Variants in OVCH1 observed in about 807,000 individuals in gnomAD.
OVCH1 encodes ovochymase 1, also known as ovochymase-1.
OVCH1 carries 139 observed loss-of-function variants against 138.4 expected under a neutral mutation model. The ratio of observed to expected loss-of-function variants is 1.00; its 90% CI spans 0.87 to 1.16. The LOEUF is 1.16. Ranked by LOEUF, OVCH1 falls within the 50% of genes most tolerant of loss-of-function variation. OVCH1 has a pLI of 0.00. For synonymous variants in OVCH1, 453 were observed against 467.8 expected, an observed-to-expected ratio of 0.97 and a Z score of 0.41; for missense variants, 1,367 against 1,357.9, an observed-to-expected ratio of 1.01 and a Z score of -0.11.
At chr12:29,495,222 A>G in intron 4 of OVCH1, 63 bp downstream of exon 4, 1 of 1,435,154 alleles carries the variant, frequency 7.0e-7, no homozygotes, top group Admixed American at 2.0e-5. Context: ...ATTAAAGTTA[A>G]CTTGTACATA....
chr12:29,473,147 G>T, intron 14 of OVCH1, 44 bp from the exon 15 acceptor site: 2 of 1,394,486 alleles, frequency 1.4e-6, no homozygotes. Flanking sequence ...TAGAGAAGTT[G>T]CACTAACTGA....
chr12:29,402,402 A>G, the OVCH1 span, among the ~76,000 whole-genome samples: 1 of 152,222 alleles, frequency 6.6e-6, no homozygotes, highest in South Asian at 2.1e-4. Context: ...ATACTAGGAC[A>G]TTTATAATAC....
Position 29,477,534 on chromosome 12 carries a change from C to A in OVCH1, c.1113+1G>T. 6.2e-7 allele frequency: 1 copy of A among 1,613,882 alleles called. No homozygotes were observed. The highest frequency in any genetic ancestry group is 8.5e-7 in the Non-Finnish European group (1 of 1,179,854). On this transcript the variant is annotated splice_donor_variant, in intron 10 of 27. Coordinates refer to ENST00000318184, the Ensembl canonical transcript of OVCH1. LOFTEE classifies it high-confidence loss of function. ...ATTACTAAAAAGTGGTGGAAACTTA[C>A]ACGTTTGTTTTGTTTTCCATCGTCT...
At chr12:29,483,238 C>CCCTAGAGGTCCTAGAGGTCCTAGAGGT (rs150892780) in intron 8 of OVCH1, among the ~76,000 whole-genome samples, 38 of 152,064 alleles carry the variant, frequency 2.5e-4, no homozygotes, top group Non-Finnish European at 5.2e-4. Flanking sequence ...AAACATTGTA[C>CCCTAGAGGTCCTAGAGGTCCTAGAGGT]CCTAGAGGTC....
At chr12:29,450,856 G>T (rs1242381156) in intron 22 of OVCH1, among the ~76,000 whole-genome samples, 1 of 152,100 alleles carries the variant, frequency 6.6e-6, no homozygotes, top group African/African-American at 2.4e-5. Flanking sequence ...ATAAGTTTAT[G>T]TCCTTTACAG....
downstream of OVCH1, among the ~76,000 whole-genome samples, chr12:29,412,079 C>T (rs7980761): frequency 0.042 from 6,334 of 152,108 alleles, 170 homozygotes; most frequent in East Asian, 0.068. Context: ...TAGCAATCAG[C>T]GAGACTCCAT....
At chr12:29,475,586 G>T (rs909214265) in intron 13 of OVCH1, among the ~76,000 whole-genome samples, 2 of 152,068 alleles carry the variant, frequency 1.3e-5, no homozygotes, top group Admixed American at 1.3e-4. Flanking sequence ...CACTATACAT[G>T]CACTGTTATG....
At chr12:29,440,558 C>G (rs1941458060) in intron 25 of OVCH1, 2 of 321,816 alleles carry the variant, frequency 6.2e-6, no homozygotes, top group South Asian at 5.3e-5. Flanking sequence ...ATTAACATGC[C>G]TTCTCTTATT....
chr12:29,466,257 T>C (rs892610480), intron 16 of OVCH1, among the ~76,000 whole-genome samples: 4 of 151,336 alleles, frequency 2.6e-5, no homozygotes, highest in African/African-American at 9.8e-5. Flanking sequence ...AAAAAATATA[T>C]ACAAAAAAAT....
exon 19 of OVCH1, chr12:29,461,980 C>A (rs755630028): frequency 6.2e-7 from 1 of 1,613,228 alleles, no homozygotes; most frequent in Non-Finnish European, 8.5e-7. Context: ...GCACTTGAAT[C>A]TGCTGTAGGC....
At chr12:29,406,292 C>A in the OVCH1 span, among the ~76,000 whole-genome samples, 1 of 151,860 alleles carries the variant, frequency 6.6e-6, no homozygotes, top group African/African-American at 2.4e-5. Context: ...CAGGAAGTCA[C>A]CTTTATTTTA....
chr12:29,486,504 C>T (rs940033599), intron 7 of OVCH1, among the ~76,000 whole-genome samples, 156 bp from the exon 8 acceptor site: 1 of 152,124 alleles, frequency 6.6e-6, no homozygotes, highest in Non-Finnish European at 1.5e-5. Flanking sequence ...CCCACTATGT[C>T]TTTTAAAAAA....
downstream of OVCH1, among the ~76,000 whole-genome samples, chr12:29,411,424 C>G (rs1463455807): frequency 1.3e-5 from 2 of 151,628 alleles, no homozygotes; most frequent in Admixed American, 6.6e-5. Context: ...TTTTCCCCAT[C>G]TTTGTGGTTT....
At chr12:29,462,196 T>C (rs1380101650) in intron 18 of OVCH1, among the ~76,000 whole-genome samples, 188 bp from the exon 19 acceptor site, 2 of 152,134 alleles carry the variant, frequency 1.3e-5, no homozygotes, top group African/African-American at 4.8e-5. Flanking sequence ...ATTTCCCAAT[T>C]TGGCATTTTT....
rs533132090 is a variant in OVCH1, at chr12:29,465,840, A to G, written c.1857-621T>C. ...AGAATATGTTTAAAAAAGACTTGGA[A>G]CCAACCCAAACATCCATCAATGATA... On this transcript the variant is annotated intron_variant, in intron 16 of 27. Coordinates refer to ENST00000318184, the Ensembl canonical transcript of OVCH1. 8.5e-5 allele frequency among the ~76,000 whole-genome samples: 13 copies of G among 152,190 alleles called. No homozygotes were observed. In the South Asian group the frequency reaches 2.5e-3, roughly 29 times the overall value.
At chr12:29,488,020 T>C (rs1943162377) in intron 6 of OVCH1, 138 bp from the exon 7 acceptor site, 1 of 804,560 alleles carries the variant, frequency 1.2e-6, no homozygotes, top group East Asian at 2.8e-5. Context: ...GTCCATCAGC[T>C]TTTTGTTTAT....
At chr12:29,494,133 C>G (rs1042128652) in intron 4 of OVCH1, among the ~76,000 whole-genome samples, 2 of 152,202 alleles carry the variant, frequency 1.3e-5, no homozygotes, top group South Asian at 4.1e-4. Flanking sequence ...GTCCTTATTC[C>G]CTCACTTTAT....
chr12:29,471,919 T>A (rs1292414693), exon 16 of OVCH1: 1 of 1,613,366 alleles, frequency 6.2e-7, no homozygotes, highest in Non-Finnish European at 8.5e-7. Context: ...GGGGCAGGCT[T>A]CTTCCCCTCC....
intron 22 of OVCH1, among the ~76,000 whole-genome samples, chr12:29,448,503 G>T (rs1003414589): frequency 1.3e-5 from 2 of 151,984 alleles, no homozygotes; most frequent in Non-Finnish European, 2.9e-5. Flanking sequence ...TCTTCAAAGT[G>T]CTGGGAATAG....
Sources: gnomAD v4.1 joint callset for allele counts (sites outside exome capture counted in the v4.1 genomes callset) on GRCh38, gnomAD v4.1.1 for gene constraint, MANE v1.5 for transcripts, NCBI Gene and HGNC (gene_info 2026-07-23, HGNC 2026-07-21) for gene names.